Variants in EPHA6 observed in about 807,000 individuals in gnomAD.
The protein encoded by EPHA6 is EPH receptor A6.
Under a neutral mutation model 112.0 loss-of-function variants are expected in EPHA6, and 50 were observed. The ratio of observed to expected loss-of-function variants is 0.45; its 90% confidence interval spans 0.36 to 0.56. The LOEUF (loss-of-function observed/expected upper bound fraction) is 0.56. EPHA6 is among the 20% of genes least tolerant of loss of function. EPHA6 has a pLI of 0.00. For missense variants in EPHA6, 1,280 were observed against 1,417.4 expected, an observed-to-expected ratio of 0.90 and a Z score of 1.56; for synonymous variants, 529 against 490.7, an observed-to-expected ratio of 1.08 and a Z score of -1.03.
intron 2 of EPHA6, among the ~76,000 whole-genome samples, chr3:96,905,405 T>A (rs2107586298): frequency 6.6e-6 from 1 of 152,168 alleles, no homozygotes; most frequent in African/African-American, 2.4e-5. Context: ...ATGGAATTTT[T>A]CACTCCGTGG....
intron 3 of EPHA6, among the ~76,000 whole-genome samples, chr3:97,147,785 C>CAGT (rs1325735392): frequency 6.6e-6 from 1 of 152,024 alleles, no homozygotes; most frequent in Non-Finnish European, 1.5e-5. Flanking sequence ...CAAGGAAAGA[C>CAGT]AGTAACTGTC....
At chr3:96,877,925 ATATATT>A (rs1296565406) in intron 2 of EPHA6, among the ~76,000 whole-genome samples, 7 of 127,822 alleles carry the variant, frequency 5.5e-5, no homozygotes, top group African/African-American at 2.5e-4. Context: ...ATATATATAT[ATATATT>A]TTTTTTTTTT....
intron 5 of EPHA6, among the ~76,000 whole-genome samples, chr3:97,330,392 T>C (rs539104612): frequency 2.6e-5 from 4 of 152,300 alleles, no homozygotes; most frequent in Non-Finnish European, 5.9e-5. Flanking sequence ...GCATTGAATC[T>C]ATAAATTACC....
chr3:97,605,882 T>G (rs1453454945), intron 12 of EPHA6, among the ~76,000 whole-genome samples: 1 of 151,632 alleles, frequency 6.6e-6, no homozygotes, highest in Non-Finnish European at 1.5e-5. Context: ...GAGCTTGGAA[T>G]GTTTTTCCAT....
At chr3:97,257,258 G>A (rs1021405028) in intron 5 of EPHA6, among the ~76,000 whole-genome samples, 1 of 151,600 alleles carries the variant, frequency 6.6e-6, no homozygotes, top group African/African-American at 2.4e-5. Flanking sequence ...AAATTACAAA[G>A]CAAAAAACAT....
intron 14 of EPHA6, among the ~76,000 whole-genome samples, chr3:97,671,940 A>T (rs2030884397): frequency 6.6e-6 from 1 of 152,194 alleles, no homozygotes; most frequent in South Asian, 2.1e-4. Context: ...TTCTCATTTC[A>T]GTCTGACACC....
chr3:96,927,959 C>A (rs573629437), intron 2 of EPHA6, among the ~76,000 whole-genome samples: 1 of 152,128 alleles, frequency 6.6e-6, no homozygotes, highest in African/African-American at 2.4e-5. Flanking sequence ...GAAACAGTTA[C>A]GTCTTACAGG....
intron 2 of EPHA6, among the ~76,000 whole-genome samples, chr3:96,923,113 A>G (rs1168146452): frequency 2.0e-5 from 3 of 152,144 alleles, no homozygotes; most frequent in Non-Finnish European, 2.9e-5. Flanking sequence ...GCATGCATGT[A>G]TCTTTATAAT....
At chr3:97,500,488 C>A (rs1440154575) in intron 10 of EPHA6, among the ~76,000 whole-genome samples, 2 of 151,890 alleles carry the variant, frequency 1.3e-5, no homozygotes, top group African/African-American at 2.4e-5. Context: ...TTGTAAACGA[C>A]CAGATCTCGC....
intron 7 of EPHA6, among the ~76,000 whole-genome samples, chr3:97,467,191 T>C (rs1475941628): frequency 6.6e-6 from 1 of 151,814 alleles, no homozygotes; most frequent in Non-Finnish European, 1.5e-5. Context: ...GCTTAGCAAA[T>C]GGTATTTTTG....
rs57236081 is a variant in EPHA6, at chr3:97,063,608, C to T, written c.1114+75615C>T. 5.3e-5 allele frequency among the ~76,000 whole-genome samples: 8 copies of T among 152,164 alleles called. No individual in the cohort carries two copies. The East Asian group carries it at 1.5e-3, about 29-fold the overall frequency. On this transcript the variant is annotated intron_variant, in intron 3 of 17. Transcript: ENST00000389672. ...AGTTAATGCATGCTGGGCTTAGTAC[C>T]TAGGTGATGGGTTGATAGTGCAGCA...
intron 3 of EPHA6, among the ~76,000 whole-genome samples, chr3:96,996,552 A>C (rs2043430026): frequency 6.6e-6 from 1 of 152,148 alleles, no homozygotes; most frequent in African/African-American, 2.4e-5. Flanking sequence ...AGCAGATATG[A>C]AAGCAACATT....
intron 3 of EPHA6, among the ~76,000 whole-genome samples, chr3:97,177,589 A>G (rs1449551199): frequency 2.0e-5 from 3 of 151,740 alleles, no homozygotes; most frequent in Non-Finnish European, 4.4e-5. Flanking sequence ...TACAATTATG[A>G]TATCTTTTTG....
intron 10 of EPHA6, among the ~76,000 whole-genome samples, chr3:97,517,216 T>G (rs2092461343): frequency 6.6e-6 from 1 of 152,150 alleles, no homozygotes; most frequent in South Asian, 2.1e-4. Flanking sequence ...CAGAGTCCAC[T>G]AGGAACACAC....
At chr3:97,591,856 C>T (rs2093547912) in intron 11 of EPHA6, among the ~76,000 whole-genome samples, 1 of 152,080 alleles carries the variant, frequency 6.6e-6, no homozygotes, top group Non-Finnish European at 1.5e-5. Flanking sequence ...GCAGTGACTC[C>T]CCTCCTTAGG....
rs553938130 is a variant in EPHA6, at chr3:97,374,697, A to G, written c.1607-30453A>G. On this transcript the variant is annotated intron_variant, in intron 5 of 17. Transcript: ENST00000389672. ...ATTAGTCCCATAGTCCCCAATGTCTATTATTCCCATCTTTATGCCCATGTG... is the reference window on the plus strand; with the variant it reads ...ATTAGTCCCATAGTCCCCAATGTCTGTTATTCCCATCTTTATGCCCATGTG... Among the ~76,000 whole-genome samples the G allele has an allele frequency of 4.4e-4, 67 of 152,132 alleles. 1 individual carries two copies. The highest frequency in any genetic ancestry group is 1.3e-3 in the African/African-American group (56 of 41,516).
rs200468044 is a variant in EPHA6, at chr3:97,364,872, G to A, written c.1607-40278G>A. ...CAAATTGAAGACTTAAACTTGAGGT[G>A]TCTAGGCCTTTTAAAACTATTGTAA... On this transcript the variant is annotated intron_variant, in intron 5 of 17. Coordinates refer to ENST00000389672, the MANE Select transcript of EPHA6 (RefSeq NM_001080448.3). Among the ~76,000 whole-genome samples the A allele has an allele frequency of 1.1e-4, 17 of 152,224 alleles. No homozygotes were observed. The East Asian group carries it at 3.3e-3, about 29-fold the overall frequency.
chr3:97,079,900 GTT>G (rs112472814), intron 3 of EPHA6, among the ~76,000 whole-genome samples: 30 of 137,594 alleles, frequency 2.2e-4, no homozygotes, highest in African/African-American at 7.2e-4. Context: ...TGATTGTTAG[GTT>G]TTTTTTTTTT....
chr3:97,104,459 G>T (rs1475187160), intron 3 of EPHA6, among the ~76,000 whole-genome samples: 1 of 151,726 alleles, frequency 6.6e-6, no homozygotes, highest in African/African-American at 2.4e-5. Flanking sequence ...ATTTATTTTC[G>T]TATGTTGAAC....
Sources: allele counts gnomAD v4.1 joint callset (sites outside exome capture counted in the v4.1 genomes callset), GRCh38; gene constraint gnomAD v4.1.1; transcripts MANE v1.5; gene names NCBI Gene and HGNC (gene_info 2026-07-23, HGNC 2026-07-21).